Variants in DPP6 observed in about 807,000 individuals in gnomAD.
The protein encoded by DPP6 is A-type potassium channel modulatory protein DPP6.
A neutral mutation model predicts 122.6 loss-of-function variants in DPP6; 69 were observed. The ratio of observed to expected loss-of-function variants is 0.56; its 90% CI spans 0.46 to 0.69. The LOEUF (loss-of-function observed/expected upper bound fraction) is 0.69, where lower values mean the gene tolerates loss of function less well. Ranked by LOEUF, DPP6 falls within the 30% of genes least tolerant of loss-of-function variation. The pLI is 0.00. For missense variants in DPP6, 928 were observed against 1,116.9 expected (o/e 0.83, Z 2.41); for synonymous variants, 418 against 433.1 (o/e 0.97, Z 0.43).
intron 5 of DPP6, among the ~76,000 whole-genome samples, chr7:154,607,987 T>C (rs201013356): frequency 0.11 from 11,515 of 107,872 alleles, 2,911 homozygotes; most frequent in South Asian, 0.14. Flanking sequence ...TTTTTTTTTC[T>C]TTTTTTTTTT....
At chr7:154,003,019 G>T (rs967444887) in intron 1 of DPP6, among the ~76,000 whole-genome samples, 26 of 152,054 alleles carry the variant, frequency 1.7e-4, no homozygotes, top group African/African-American at 5.8e-4. Flanking sequence ...TTTGAGGGGA[G>T]GAGAAAAAAG....
Position 154,403,386 on chromosome 7 carries a change from G to C in DPP6, c.244-42828G>C, listed in dbSNP as rs1481162840. ...AGGAAAAGGGACATGGTGAGGACTG[G>C]AGTTGCGGTAGATGCCTCCTGGGTG... On this transcript the variant is annotated intron_variant, in intron 1 of 25. Coordinates refer to ENST00000377770, the MANE Select transcript of DPP6 (RefSeq NM_130797.4). This position sits in a 1 kb window ranked among gnomAD's most constrained non-coding sequence, Gnocchi z 4.1. Among the ~76,000 whole-genome samples the C allele has an allele frequency of 2.6e-5, 4 of 152,210 alleles. No individual in the cohort carries two copies. Among genetic ancestry groups the C allele is most frequent in the Non-Finnish European group, 5.9e-5 (4 of 68,036 alleles).
chr7:154,526,846 C>T (rs947058651), intron 3 of DPP6, among the ~76,000 whole-genome samples: 2 of 152,212 alleles, frequency 1.3e-5, no homozygotes, highest in Non-Finnish European at 2.9e-5. Context: ...GCTGTGAGTT[C>T]ATAGGCTCCC....
At chr7:154,232,715 A>G (rs1416967877) in intron 1 of DPP6, among the ~76,000 whole-genome samples, 2 of 152,202 alleles carry the variant, frequency 1.3e-5, no homozygotes, top group Admixed American at 1.3e-4. Context: ...TGGACTTCAC[A>G]CATTCTACCT....
chr7:154,000,359 A>G (rs986707394), intron 1 of DPP6, among the ~76,000 whole-genome samples: 1 of 152,136 alleles, frequency 6.6e-6, no homozygotes, highest in Non-Finnish European at 1.5e-5. Flanking sequence ...AGCTGCACTG[A>G]GGATGGCCTT....
At chr7:154,254,874 T>C (rs1802559473) in intron 1 of DPP6, among the ~76,000 whole-genome samples, 1 of 152,238 alleles carries the variant, frequency 6.6e-6, no homozygotes, top group Non-Finnish European at 1.5e-5. Context: ...ACAATGAGCA[T>C]GTTGAAAGCT....
chr7:154,252,235 T>TGTGCGC (rs60245069), intron 1 of DPP6, among the ~76,000 whole-genome samples: 45 of 149,410 alleles, frequency 3.0e-4, no homozygotes, highest in Middle Eastern at 3.5e-3. Context: ...TGTGTGTGTG[T>TGTGCGC]GCGCGCATGC....
chr7:154,107,531 G>C (rs1585391960), intron 1 of DPP6, among the ~76,000 whole-genome samples: 1 of 152,156 alleles, frequency 6.6e-6, no homozygotes, highest in Non-Finnish European at 1.5e-5. Context: ...ATAATGTAAA[G>C]TATGTTTCAG....
Position 154,313,712 on chromosome 7 carries a change from T to TCGC in DPP6, c.244-132502_244-132501insCGC, listed in dbSNP as rs71965945. On this transcript the variant is annotated intron_variant, in intron 1 of 25. Coordinates refer to ENST00000377770, the MANE Select transcript of DPP6 (RefSeq NM_130797.4). ...ATATATATATATATATATATATATATATACACACACACGCACGCACACACA... is the reference window on the plus strand; with the variant it reads ...ATATATATATATATATATATATATATCGCATACACACACACGCACGCACACACA... Among the ~76,000 whole-genome samples, 85 of 24,918 alleles carry TCGC rather than the reference T, an allele frequency of 3.4e-3. 16 individuals are homozygous for TCGC. The highest frequency in any genetic ancestry group is 8.1e-3 in the African/African-American group (77 of 9,454). 16.3% of individuals were successfully genotyped at this position (24,918 alleles called of 152,430 possible).
intron 7 of DPP6, among the ~76,000 whole-genome samples, chr7:154,683,214 G>T (rs1339377685): frequency 6.6e-6 from 1 of 152,068 alleles, no homozygotes; most frequent in Admixed American, 6.5e-5. Context: ...ATGCATGTTG[G>T]TGAGCTGAGT....
chr7:154,769,138 GAAAA>G (rs1178944720), intron 8 of DPP6, among the ~76,000 whole-genome samples: 1 of 151,196 alleles, frequency 6.6e-6, no homozygotes, highest in South Asian at 2.1e-4. Context: ...TGTGTGCAAA[GAAAA>G]AAAAAGTGTT....
chr7:154,251,380 C>T (rs1455453298), intron 1 of DPP6, among the ~76,000 whole-genome samples: 2 of 152,170 alleles, frequency 1.3e-5, no homozygotes, highest in African/African-American at 4.8e-5. Context: ...GAACTGACCA[C>T]CTAAAAGACA....
the DPP6 span, among the ~76,000 whole-genome samples, chr7:153,852,316 G>A: frequency 6.6e-6 from 1 of 152,102 alleles, no homozygotes; most frequent in Non-Finnish European, 1.5e-5. Context: ...AGTTCTATAG[G>A]ATGTGTGGTG....
chr7:154,199,131 C>T (rs1799031644), intron 1 of DPP6, among the ~76,000 whole-genome samples: 1 of 152,002 alleles, frequency 6.6e-6, no homozygotes, highest in Admixed American at 6.5e-5. Flanking sequence ...CCTCACGTTC[C>T]CTTTTATTTC....
At chr7:154,659,932 G>A (rs1307217231) in intron 6 of DPP6, among the ~76,000 whole-genome samples, 1 of 152,238 alleles carries the variant, frequency 6.6e-6, no homozygotes, top group Non-Finnish European at 1.5e-5. Context: ...TAGGACGAGG[G>A]TAGCTATTGT....
the DPP6 span, among the ~76,000 whole-genome samples, chr7:153,854,439 A>C: frequency 2.7e-5 from 4 of 148,718 alleles, no homozygotes; most frequent in South Asian, 2.2e-4. Flanking sequence ...ACATGAACAG[A>C]CACTTCTCAA....
At chr7:153,762,843 A>G in the DPP6 span, among the ~76,000 whole-genome samples, 2 of 152,194 alleles carry the variant, frequency 1.3e-5, no homozygotes, top group South Asian at 2.1e-4. Flanking sequence ...TATTTGAAAC[A>G]CAGGACTCTG....
chr7:154,061,743 T>TC lies in DPP6; in HGVS notation c.243+8680_243+8681insC, dbSNP rs1801955222. On this transcript the variant is annotated intron_variant, in intron 1 of 25. Coordinates refer to ENST00000377770, the MANE Select transcript of DPP6 (RefSeq NM_130797.4). ...GAGGCGGGGACTGCGAACCTCCCCC[T>TC]TTCCTCCCCTGGCTCTTTGCACCCC... is the stretch of plus-strand genomic sequence containing the variant. Among the ~76,000 whole-genome samples the TC allele has an allele frequency of 2.4e-5, 2 of 83,648 alleles. 1 individual carries two copies. Among genetic ancestry groups the TC allele is most frequent in the African/African-American group, 9.1e-5 (2 of 21,998 alleles). 54.9% of individuals were successfully genotyped at this position (83,648 alleles called of 152,430 possible).
intron 1 of DPP6, among the ~76,000 whole-genome samples, chr7:154,043,239 C>T (rs1254341354): frequency 6.6e-6 from 1 of 151,702 alleles, no homozygotes; most frequent in Non-Finnish European, 1.5e-5. Flanking sequence ...GCTAAAAATA[C>T]AAAATTAGCC....
Sources: gnomAD v4.1 joint callset for allele counts (sites outside exome capture counted in the v4.1 genomes callset) on GRCh38, gnomAD v4.1.1 for gene constraint, Gnocchi (gnomAD v3.1) non-coding constraint, MANE v1.5 for transcripts, NCBI Gene and HGNC (gene_info 2026-07-23, HGNC 2026-07-21) for gene names.